ULK4: variants seen among roughly 807,000 people sequenced by gnomAD.
ULK4 encodes inactive serine/threonine-protein kinase ULK4.
A neutral mutation model predicts 160.6 loss-of-function variants in ULK4; 133 were observed. The ratio of observed to expected loss-of-function variants is 0.83; its 90% CI spans 0.72 to 0.96. The LOEUF (loss-of-function observed/expected upper bound fraction) is 0.96, where lower values mean the gene tolerates loss of function less well. Among genes scored for constraint, ULK4 ranks in the 40% least tolerant of loss-of-function variants. The pLI is 0.00. For missense variants in ULK4, 1,580 were observed against 1,499.5 expected, an observed-to-expected ratio of 1.05 and a Z score of -0.89; for synonymous variants, 534 against 539.8, an observed-to-expected ratio of 0.99 and a Z score of 0.15.
chr3:41,484,673 T>C lies in ULK4; in HGVS notation c.3227-21420A>G, dbSNP rs185617057. 7.1e-3 allele frequency among the ~76,000 whole-genome samples: 1,079 copies of C among 151,958 alleles called. 6 individuals carry two copies. Among genetic ancestry groups the C allele is most frequent in the Middle Eastern group, 0.014 (4 of 294 alleles). On this transcript the variant is annotated intron_variant, in intron 32 of 36. Coordinates refer to ENST00000301831, the MANE Select transcript of ULK4 (RefSeq NM_017886.4). ...TTCACCGTGTTAGCCAGGATGGTCT[T>C]GATCTCCTGACCTTATGATCCGCCC...
chr3:41,300,504 C>T (rs767719591), intron 35 of ULK4, among the ~76,000 whole-genome samples: 4 of 152,018 alleles, frequency 2.6e-5, no homozygotes, highest in African/African-American at 7.2e-5. Context: ...AGGATTTTGT[C>T]GTAAGTTTTC....
intron 34 of ULK4, among the ~76,000 whole-genome samples, chr3:41,445,311 T>G (rs560422912): frequency 6.6e-6 from 1 of 152,146 alleles, no homozygotes; most frequent in Non-Finnish European, 1.5e-5. Context: ...AGGTAATTTA[T>G]AGATTCAATG....
At chr3:41,593,837 C>T (rs1412874841) in intron 31 of ULK4, among the ~76,000 whole-genome samples, 3 of 151,984 alleles carry the variant, frequency 2.0e-5, no homozygotes, top group Non-Finnish European at 4.4e-5. Flanking sequence ...CTCAGACCAG[C>T]CTGGGCAACA....
intron 5 of ULK4, among the ~76,000 whole-genome samples, chr3:41,920,124 T>C (rs950740962): frequency 6.6e-6 from 1 of 152,136 alleles, no homozygotes; most frequent in Non-Finnish European, 1.5e-5. Flanking sequence ...AACCCCAACA[T>C]CCCACTGGCT....
chr3:41,295,673 T>C (rs1458990774), intron 35 of ULK4, among the ~76,000 whole-genome samples: 1 of 77,726 alleles, frequency 1.3e-5, no homozygotes, highest in Non-Finnish European at 3.2e-5. Context: ...AATAAGCATA[T>C]GAAAAGATGC....
chr3:41,888,231 T>C (rs1697797728), intron 16 of ULK4, among the ~76,000 whole-genome samples: 1 of 152,178 alleles, frequency 6.6e-6, no homozygotes, highest in African/African-American at 2.4e-5. Flanking sequence ...TTATGAGACA[T>C]TCTCTGTCTT....
chr3:41,715,710 C>T, intron 23 of ULK4, 142 bp from the exon 24 acceptor site: 2 of 1,092,520 alleles, frequency 1.8e-6, no homozygotes, highest in Non-Finnish European at 1.3e-6. Context: ...TTCACAAGTA[C>T]TGAAATTACA....
intron 35 of ULK4, among the ~76,000 whole-genome samples, chr3:41,306,270 G>A (rs2079930534): frequency 8.3e-6 from 1 of 120,636 alleles, no homozygotes; most frequent in Admixed American, 7.6e-5. Flanking sequence ...GAGGTGAGGG[G>A]CGCCTCTGCC....
chr3:41,856,534 T>C (rs1319632901), intron 17 of ULK4, among the ~76,000 whole-genome samples: 2 of 99,022 alleles, frequency 2.0e-5, no homozygotes, highest in Admixed American at 1.1e-4. Flanking sequence ...TATATATATG[T>C]ATGTATATAT....
chr3:41,503,298 A>G (rs576594310), intron 32 of ULK4, among the ~76,000 whole-genome samples: 1 of 152,332 alleles, frequency 6.6e-6, no homozygotes, highest in South Asian at 2.1e-4. Context: ...TAGTTAGTGC[A>G]CCAAAACTAT....
At chr3:41,529,751 C>T (rs903777200) in intron 32 of ULK4, among the ~76,000 whole-genome samples, 2 of 152,220 alleles carry the variant, frequency 1.3e-5, no homozygotes, top group East Asian at 1.9e-4. Context: ...CCTCAGCCTC[C>T]CAAAGTGCTG....
intron 33 of ULK4, among the ~76,000 whole-genome samples, chr3:41,457,388 A>G (rs757171153): frequency 3.7e-4 from 57 of 152,120 alleles, no homozygotes; most frequent in Admixed American, 1.0e-3. Flanking sequence ...AGAAACATCG[A>G]CCCAGCCTAC....
At chr3:41,661,006 A>G (rs969885208) in intron 30 of ULK4, among the ~76,000 whole-genome samples, 3 of 152,146 alleles carry the variant, frequency 2.0e-5, no homozygotes, top group African/African-American at 4.8e-5. Flanking sequence ...AATTGTATAA[A>G]TTTTATACAA....
intron 34 of ULK4, among the ~76,000 whole-genome samples, chr3:41,429,010 A>T (rs2082842223): frequency 6.6e-6 from 1 of 152,060 alleles, no homozygotes; most frequent in Non-Finnish European, 1.5e-5. Context: ...TCTATCCGTC[A>T]GACAAAGGTC....
chr3:41,762,270 C>A (rs981257506), intron 21 of ULK4, among the ~76,000 whole-genome samples: 5 of 151,982 alleles, frequency 3.3e-5, no homozygotes, highest in African/African-American at 1.2e-4. Flanking sequence ...CCATTAACCA[C>A]CCCCACTCTC....
At chr3:41,509,073 T>C (rs1019719503) in intron 32 of ULK4, among the ~76,000 whole-genome samples, 10 of 151,766 alleles carry the variant, frequency 6.6e-5, no homozygotes, top group African/African-American at 2.4e-4. Flanking sequence ...ATCAAAAACA[T>C]GATACAGGAT....
chr3:41,391,636 CTT>C (rs2081959067), intron 35 of ULK4, among the ~76,000 whole-genome samples: 1 of 151,868 alleles, frequency 6.6e-6, no homozygotes, highest in Non-Finnish European at 1.5e-5. Context: ...CATCTGGTCT[CTT>C]TAATGACTCT....
At chr3:41,515,609 G>A (rs75729633) in intron 32 of ULK4, among the ~76,000 whole-genome samples, 2 of 152,244 alleles carry the variant, frequency 1.3e-5, no homozygotes, top group East Asian at 1.9e-4. Flanking sequence ...AAACAAACAC[G>A]TCCTTCTTCA....
chr3:41,804,048 C>G lies in ULK4; in HGVS notation c.1849-3755G>C, dbSNP rs1370278549. Reference sequence around the variant, plus strand: ...ATGGTATTTCTAGTTCTAGATCGCTCAGGAATTGCCACACTGACTTCCACA... The same window carrying G: ...ATGGTATTTCTAGTTCTAGATCGCTGAGGAATTGCCACACTGACTTCCACA... On this transcript the variant is annotated intron_variant, in intron 19 of 36. Coordinates refer to ENST00000301831, the MANE Select transcript of ULK4 (RefSeq NM_017886.4). Among the ~76,000 whole-genome samples, 149 of 151,988 alleles carry G rather than the reference C, an allele frequency of 9.8e-4. 1 individual carries two copies. Among genetic ancestry groups the G allele is most frequent in the Admixed American group, 2.4e-3 (36 of 15,268 alleles).
Sources: gnomAD v4.1 joint callset for allele counts (sites outside exome capture counted in the v4.1 genomes callset) on GRCh38, gnomAD v4.1.1 for gene constraint, MANE v1.5 for transcripts, NCBI Gene and HGNC (gene_info 2026-07-23, HGNC 2026-07-21) for gene names.